Variants in TCF7L2 observed in about 807,000 individuals in gnomAD.
TCF7L2 encodes transcription factor 7-like 2.
TCF7L2 carries 23 observed loss-of-function variants against 77.9 expected under a neutral mutation model. The observed-to-expected ratio is 0.30, with a 90% confidence interval of 0.21 to 0.42. The LOEUF is 0.42. Ranked by LOEUF, TCF7L2 falls within the 10% of genes least tolerant of loss-of-function variation. The pLI, the probability that TCF7L2 is intolerant of heterozygous loss-of-function variation, is 1.00. For synonymous variants in TCF7L2, 413 were observed against 340.2 expected (o/e 1.21, Z -2.36); for missense variants, 654 against 793.1 (o/e 0.82, Z 2.11).
In TCF7L2 at chr10:112,950,600, G is replaced by A. The variant is rs2030697694; in HGVS notation, c.-157G>A. On this transcript the variant is annotated 5_prime_UTR_variant, in exon 1 of 14. Transcript: ENST00000627217. Reference sequence around the variant, plus strand: ...CCTCCTCCCTCTTTTCCCCTCCCCAGGAGAAAAAGACCCCCAAGCAGAAAA... The same window carrying A: ...CCTCCTCCCTCTTTTCCCCTCCCCAAGAGAAAAAGACCCCCAAGCAGAAAA... 9.2e-6 allele frequency: 4 copies of A among 437,042 alleles called. No homozygotes were observed. The highest frequency in any genetic ancestry group is 7.5e-5 in the South Asian group (3 of 40,176). The allele number at this position is 437,042 out of a possible 1,614,324, so 27.1% of individuals were successfully genotyped here.
In TCF7L2 at chr10:113,040,076, A is replaced by G. The variant is rs370021688; in HGVS notation, c.502A>G (p.Ser168Gly). Residue 168 changes from serine (S) to glycine (G), a missense_variant, in exon 5 of 14, where the codon AGT (serine) becomes GGT (glycine). Coordinates refer to ENST00000627217, the MANE Select transcript of TCF7L2 (RefSeq NM_001146274.2). ...TGATGTCCAGGCAGGGAGCCTCCAG[A>G]GTAGACAAGCCCTCAAGGATGCCCG... is the stretch of plus-strand genomic sequence containing the variant. The G allele has an allele frequency of 1.2e-5, 20 of 1,613,944 alleles. No homozygotes were observed. Among genetic ancestry groups the G allele is most frequent in the Admixed American group, 1.7e-5 (1 of 59,982 alleles).
At chr10:113,017,426 G>T (rs550694285) in intron 4 of TCF7L2, among the ~76,000 whole-genome samples, 6 of 152,188 alleles carry the variant, frequency 3.9e-5, no homozygotes, top group African/African-American at 1.4e-4. Context: ...CTTCCTCCTC[G>T]GGTGGACTTT....
intron 4 of TCF7L2, among the ~76,000 whole-genome samples, chr10:113,000,928 C>T (rs550028654): frequency 2.6e-5 from 4 of 152,314 alleles, no homozygotes; most frequent in African/African-American, 4.8e-5. Flanking sequence ...CACTTCCCGG[C>T]CTTCCACTGC....
At chr10:112,992,298 C>T (rs181686894) in intron 4 of TCF7L2, among the ~76,000 whole-genome samples, 21 of 152,330 alleles carry the variant, frequency 1.4e-4, no homozygotes, top group African/African-American at 5.1e-4. Context: ...AGTGAATGTG[C>T]GTCGGTAGCA....
intron 5 of TCF7L2, among the ~76,000 whole-genome samples, chr10:113,108,225 C>G (rs1423541271): frequency 6.6e-6 from 1 of 152,174 alleles, no homozygotes; most frequent in Non-Finnish European, 1.5e-5. Flanking sequence ...GACCCCCCCA[C>G]CCCACCAGGC....
At chr10:113,077,389 G>A (rs1256334288) in intron 5 of TCF7L2, among the ~76,000 whole-genome samples, 1 of 152,084 alleles carries the variant, frequency 6.6e-6, no homozygotes, top group African/African-American at 2.4e-5. Flanking sequence ...ATAATTCAGT[G>A]GTTTTTTGTA....
At chr10:113,040,176 A>G (rs1211754731) in intron 5 of TCF7L2, 50 bp downstream of exon 5, 2 of 1,539,238 alleles carry the variant, frequency 1.3e-6, no homozygotes, top group African/African-American at 2.7e-5. Context: ...GGGGTGAAAA[A>G]GAAAATGCTT....
chr10:113,083,257 T>TACACAC (rs1350270045), intron 5 of TCF7L2, among the ~76,000 whole-genome samples: 1 of 58,872 alleles, frequency 1.7e-5, no homozygotes, highest in African/African-American at 7.5e-5. Context: ...CATATACTGA[T>TACACAC]AGACACACAC....
chr10:112,989,900 A>G (rs1001916144), intron 4 of TCF7L2, among the ~76,000 whole-genome samples: 1 of 152,154 alleles, frequency 6.6e-6, no homozygotes, highest in African/African-American at 2.4e-5. Context: ...TAGATTTTCT[A>G]ATAGATGGGG....
chr10:113,093,899 T>G (rs1401575328), intron 5 of TCF7L2, among the ~76,000 whole-genome samples: 1 of 152,210 alleles, frequency 6.6e-6, no homozygotes, highest in Non-Finnish European at 1.5e-5. Context: ...CAAACAAACT[T>G]TTAAAAAGTT....
At chr10:113,121,440 C>G (rs547464607) in intron 5 of TCF7L2, among the ~76,000 whole-genome samples, 1 of 152,318 alleles carries the variant, frequency 6.6e-6, no homozygotes, top group African/African-American at 2.4e-5. Context: ...TGGCTTTTCC[C>G]TCCTTTTTTC....
In TCF7L2 at chr10:112,950,906, T is replaced by C. The variant is rs199669957; in HGVS notation, c.150T>C (p.Asn50=). 14 of 1,612,412 alleles carry C rather than the reference T, an allele frequency of 8.7e-6. No homozygotes were observed. The Admixed American group carries it at 1.7e-4, about 19-fold the overall frequency. Residue 50 remains asparagine (N), a synonymous_variant, in exon 1 of 14, where the codon AAT becomes AAC. Coordinates refer to ENST00000627217, the MANE Select transcript of TCF7L2 (RefSeq NM_001146274.2). ...CTGATGTCAAATCGTCTCTAGTCAA[T>C]GAATCAGAAACGAATCAAAACAGCT...
At chr10:113,153,277 A>T (rs1371739921) in intron 11 of TCF7L2, among the ~76,000 whole-genome samples, 5 of 151,812 alleles carry the variant, frequency 3.3e-5, no homozygotes, top group African/African-American at 1.2e-4. Flanking sequence ...TTGCCCAGTA[A>T]CTCCGCTTTC....
intron 5 of TCF7L2, among the ~76,000 whole-genome samples, chr10:113,050,724 G>C (rs2054276935): frequency 6.6e-6 from 1 of 152,150 alleles, no homozygotes; most frequent in African/African-American, 2.4e-5. Flanking sequence ...CAGTGACCAA[G>C]GCAAGACATT....
intron 4 of TCF7L2, among the ~76,000 whole-genome samples, chr10:113,023,950 G>A (rs867107760): frequency 3.3e-5 from 5 of 151,782 alleles, no homozygotes; most frequent in South Asian, 2.1e-4. Flanking sequence ...GAGCCACTGC[G>A]ACTTGCATGT....
chr10:113,093,106 C>A (rs2060572593), intron 5 of TCF7L2, among the ~76,000 whole-genome samples: 1 of 152,196 alleles, frequency 6.6e-6, no homozygotes, highest in African/African-American at 2.4e-5. Context: ...GTCTGCTCCA[C>A]TGGGTACCTA....
rs145879036 is a variant in TCF7L2 at position 113,015,070 on chromosome 10, C to T, written c.451-24955C>T. Among the ~76,000 whole-genome samples, 739 of 152,226 alleles carry T rather than the reference C, an allele frequency of 4.9e-3. 3 individuals are homozygous for T. Among genetic ancestry groups the T allele is most frequent in the Middle Eastern group, 0.031 (9 of 294 alleles). ...GCGTGGTAGCGGACGCCTGTAAGCC[C>T]AGCTACTTGGGAGGCTGAGGCAGGA... On this transcript the variant is annotated intron_variant, in intron 4 of 13. Coordinates refer to ENST00000627217, the MANE Select transcript of TCF7L2 (RefSeq NM_001146274.2).
At chr10:112,999,588 T>C (rs1590213328) in intron 4 of TCF7L2, among the ~76,000 whole-genome samples, 1 of 152,336 alleles carries the variant, frequency 6.6e-6, no homozygotes, top group East Asian at 1.9e-4. Context: ...CGTTGCTGGT[T>C]AGTTATTCTC....
chr10:112,976,835 C>T (rs373104530), intron 4 of TCF7L2, among the ~76,000 whole-genome samples: 5 of 152,110 alleles, frequency 3.3e-5, no homozygotes, highest in Non-Finnish European at 7.3e-5. Flanking sequence ...TCCATCAGTG[C>T]GTGAATTTGC....
Sources: gnomAD v4.1 joint callset for allele counts (sites outside exome capture counted in the v4.1 genomes callset) on GRCh38, gnomAD v4.1.1 for gene constraint, MANE v1.5 for transcripts, NCBI Gene and HGNC (gene_info 2026-07-23, HGNC 2026-07-21) for gene names.